CFAP97: variants seen among roughly 807,000 people sequenced by gnomAD.
CFAP97 encodes the protein cilia and flagella associated protein 97.
A neutral mutation model predicts 43.1 loss-of-function variants in CFAP97; 36 were observed. That is an observed-to-expected ratio of 0.84 (90% CI 0.64 to 1.10). CFAP97 has a LOEUF of 1.10. CFAP97 is among the 50% of genes least tolerant of loss of function. The pLI is 0.00. For synonymous variants in CFAP97, 228 were observed against 225.7 expected (o/e 1.01, Z -0.09); for missense variants, 657 against 620.3 (o/e 1.06, Z -0.63).
In CFAP97 at chr4:185,190,292, G is replaced by C; in HGVS notation, c.905C>G (p.Ser302Ter). Residue 302 changes from serine (S) to a stop codon, truncating the protein, a stop_gained, in exon 2 of 5, where the codon TCA (serine) becomes TGA (stop). Coordinates refer to ENST00000458385, the MANE Select transcript of CFAP97 (RefSeq NM_020827.3). LOFTEE classifies it high-confidence loss of function. The part of the protein sequence containing the change: ...YEDVEDLKNN[S>*]KYLKAAKKGK... Reference sequence around the variant, plus strand: ...TTTTTTGGCTGCTTTCAAATATTTTGAATTATTTTTCAAATCCTCAACATC... The same window carrying C: ...TTTTTTGGCTGCTTTCAAATATTTTCAATTATTTTTCAAATCCTCAACATC... The C allele has an allele frequency of 6.2e-7, 1 of 1,609,164 alleles. No homozygotes were observed. Among genetic ancestry groups the C allele is most frequent in the South Asian group, 1.1e-5 (1 of 90,546 alleles).
Position 185,190,285 on chromosome 4 carries a change from A to AT in CFAP97, c.911dup (p.Tyr304Ter). ...DVEDLKNNSK[Y>*]LKAAKKGKEK... ...CTTTCCCTTTTTTGGCTGCTTTCAA[A>AT]TATTTTGAATTATTTTTCAAATCCT... Residue 304 changes from tyrosine to a stop codon, truncating the protein, a stop_gained and frameshift_variant, in exon 2 of 5, where the codon TAT becomes TAAT. Coordinates refer to ENST00000458385, the MANE Select transcript of CFAP97 (RefSeq NM_020827.3). LOFTEE classifies it high-confidence loss of function. 6.2e-7 allele frequency: 1 copy of AT among 1,610,918 alleles called. No individual in the cohort carries two copies. The highest frequency in any genetic ancestry group is 1.3e-5 in the African/African-American group (1 of 75,026).
At chr4:185,180,129 A>C (rs1394965140) in intron 2 of CFAP97, among the ~76,000 whole-genome samples, 2 of 152,040 alleles carry the variant, frequency 1.3e-5, no homozygotes, top group African/African-American at 4.8e-5. Context: ...CATTCTTCCT[A>C]TACTATTTTA....
chr4:185,186,069 C>T (rs1021268202), intron 2 of CFAP97, among the ~76,000 whole-genome samples: 34 of 152,182 alleles, frequency 2.2e-4, no homozygotes, highest in African/African-American at 8.2e-4. Context: ...ACATAACAGA[C>T]TTGAAATTCA....
chr4:185,187,439 C>T (rs1228450877), intron 2 of CFAP97, among the ~76,000 whole-genome samples: 2 of 151,832 alleles, frequency 1.3e-5, no homozygotes, highest in Non-Finnish European at 1.5e-5. Context: ...GTAAGTATCC[C>T]GATGGAGAGA....
chr4:185,183,462 A>G (rs1158856053), intron 2 of CFAP97, among the ~76,000 whole-genome samples: 1 of 152,236 alleles, frequency 6.6e-6, no homozygotes, highest in Non-Finnish European at 1.5e-5. Context: ...ATTTAGTGTA[A>G]GTTAGAAGTG....
At chr4:185,192,863 C>T (rs3108234) in intron 1 of CFAP97, among the ~76,000 whole-genome samples, 75,358 of 150,220 alleles carry the variant, frequency 0.5, 19,145 homozygotes, top group East Asian at 0.57. Flanking sequence ...GCCTCAGCCT[C>T]CCGAGTAGCT....
intron 1 of CFAP97, among the ~76,000 whole-genome samples, chr4:185,192,762 A>G (rs59041930): frequency 0.56 from 63,335 of 113,686 alleles, 16,176 homozygotes; most frequent in East Asian, 0.63. Context: ...TTTTTTTGAG[A>G]CGGAGTCTCG....
At chr4:185,179,828 G>T (rs1735713450) in intron 2 of CFAP97, among the ~76,000 whole-genome samples, 1 of 152,208 alleles carries the variant, frequency 6.6e-6, no homozygotes, top group African/African-American at 2.4e-5. Flanking sequence ...CCCACAAGCA[G>T]ATGCTAGTTT....
upstream of CFAP97, among the ~76,000 whole-genome samples, chr4:185,204,828 G>T (rs1737116134): frequency 6.6e-6 from 1 of 152,224 alleles, no homozygotes; most frequent in Non-Finnish European, 1.5e-5. Context: ...AGCTGCAAAA[G>T]GAGGAAACGG....
intron 2 of CFAP97, among the ~76,000 whole-genome samples, chr4:185,188,928 A>C (rs943217746): frequency 6.6e-6 from 1 of 150,514 alleles, no homozygotes; most frequent in Non-Finnish European, 1.5e-5. Flanking sequence ...GTACAATCAG[A>C]GAAAGGGGGA....
At chr4:185,167,621 G>A (rs866902250) in intron 3 of CFAP97, among the ~76,000 whole-genome samples, 7 of 152,110 alleles carry the variant, frequency 4.6e-5, no homozygotes, top group African/African-American at 1.7e-4. Flanking sequence ...TATTAATAAC[G>A]AAATAACCTC....
At chr4:185,170,333 G>T in intron 3 of CFAP97, 1 of 592,890 alleles carries the variant, frequency 1.7e-6, no homozygotes. Flanking sequence ...GTGACAGAGC[G>T]AGATAGTCTA....
At chr4:185,210,233 C>T (rs1281966930), upstream of CFAP97, 2 of 984,888 alleles carry the variant, frequency 2.0e-6, no homozygotes, top group Non-Finnish European at 2.4e-6. The surrounding 1 kb of genome is among the most constrained non-coding windows in gnomAD (Gnocchi z 4.4). Context: ...GCCGCGACCT[C>T]AGCCGCCCGC....
At chr4:185,192,989 C>G (rs539368739) in intron 1 of CFAP97, among the ~76,000 whole-genome samples, 1 of 152,210 alleles carries the variant, frequency 6.6e-6, no homozygotes, top group South Asian at 2.1e-4. Flanking sequence ...ATCCGCCCAC[C>G]TCGGCCTCCC....
At position 185,197,256 on chromosome 4, in the gene CFAP97, A is replaced by G. The variant is rs376587812; in HGVS notation, c.-16-6044T>C. Among the ~76,000 whole-genome samples the G allele has an allele frequency of 3.3e-5, 5 of 152,102 alleles. No individual in the cohort carries two copies. The East Asian group carries it at 5.8e-4, about 18-fold the overall frequency. ...GAAATGAAGAGATCTTAAACATAAC[A>G]AAAGAGTAATTTTACTAACTCACAA... On this transcript the variant is annotated intron_variant, in intron 1 of 4. Transcript: ENST00000458385.
At chr4:185,195,340 C>G (rs1736490550) in intron 1 of CFAP97, among the ~76,000 whole-genome samples, 1 of 152,032 alleles carries the variant, frequency 6.6e-6, no homozygotes, top group African/African-American at 2.4e-5. Context: ...TAAAAATTAG[C>G]TGGGCATAGT....
Position 185,187,940 on chromosome 4 carries a change from A to G in CFAP97, c.1054+2203T>C, listed in dbSNP as rs182694720. 5.2e-3 allele frequency among the ~76,000 whole-genome samples: 795 copies of G among 152,134 alleles called. 5 individuals carry two copies. Among genetic ancestry groups the G allele is most frequent in the African/African-American group, 0.018 (732 of 41,504 alleles). ...TGAGACGGAGTCTCGCTCTGTCGCCAGGCTGGAGTGCAGTGGCGTGATCTC... is the reference window on the plus strand; with the variant it reads ...TGAGACGGAGTCTCGCTCTGTCGCCGGGCTGGAGTGCAGTGGCGTGATCTC... On this transcript the variant is annotated intron_variant, in intron 2 of 4. Coordinates refer to ENST00000458385, the MANE Select transcript of CFAP97 (RefSeq NM_020827.3).
Position 185,176,022 on chromosome 4 carries a change from G to A in CFAP97, c.1084C>T (p.Gln362Ter). 1 of 1,603,568 alleles carries A rather than the reference G, an allele frequency of 6.2e-7. No individual in the cohort carries two copies. Among genetic ancestry groups the A allele is most frequent in the Non-Finnish European group, 8.5e-7 (1 of 1,176,394 alleles). The change falls in exon 3 of 5, where the codon CAA becomes TAA. Residue 362 changes from glutamine to a stop codon, truncating the protein, a stop_gained. Transcript: ENST00000458385. LOFTEE classifies it high-confidence loss of function. ...GAAGGCTGATCAAAGTGATGTTTTT[G>A]TGGTCCTTTTTTATCTAATTGCAGA... ...AFLQLDKKGP[Q>*]KHHFDQPSVA...
At chr4:185,185,265 C>T (rs1456518530) in intron 2 of CFAP97, among the ~76,000 whole-genome samples, 1 of 151,418 alleles carries the variant, frequency 6.6e-6, no homozygotes, top group Non-Finnish European at 1.5e-5. Flanking sequence ...GAATTATGAA[C>T]GAAGAGCAAT....
Sources: allele counts gnomAD v4.1 joint callset (sites outside exome capture counted in the v4.1 genomes callset), GRCh38; gene constraint gnomAD v4.1.1; non-coding constraint Gnocchi (gnomAD v3.1); transcripts MANE v1.5; gene names NCBI Gene and HGNC (gene_info 2026-07-23, HGNC 2026-07-21).